Variants in CA5A observed in about 807,000 individuals in gnomAD.
The protein encoded by CA5A is carbonic anhydrase 5A, mitochondrial.
Under a neutral mutation model 37.1 loss-of-function variants are expected in CA5A, and 28 were observed. That is an observed-to-expected ratio of 0.75 (90% CI 0.56 to 1.03). CA5A has a LOEUF of 1.03. CA5A is among the 50% of genes least tolerant of loss of function. The pLI, the probability that CA5A is intolerant of heterozygous loss-of-function variation, is 0.00. For missense variants in CA5A, 444 were observed against 399.9 expected (o/e 1.11, Z -0.94); for synonymous variants, 171 against 158.4 (o/e 1.08, Z -0.60).
At chr16:87,916,922 G>A (rs963782263) in intron 2 of CA5A, among the ~76,000 whole-genome samples, 1 of 151,932 alleles carries the variant, frequency 6.6e-6, no homozygotes, top group Admixed American at 6.6e-5. Flanking sequence ...CTAACACAGT[G>A]AAACCCCGTC....
chr16:87,934,273 G>A (rs2056443095), intron 1 of CA5A, among the ~76,000 whole-genome samples: 5 of 152,248 alleles, frequency 3.3e-5, no homozygotes, highest in Admixed American at 1.3e-4. Flanking sequence ...AGTTAAGAAA[G>A]TCACAGAGGG....
At chr16:87,931,341 A>C (rs952255263) in intron 1 of CA5A, among the ~76,000 whole-genome samples, 6 of 146,586 alleles carry the variant, frequency 4.1e-5, no homozygotes, top group African/African-American at 1.5e-4. Flanking sequence ...CGAACTCCTG[A>C]CTTCGGGTGA....
chr16:87,899,658 G>A (rs777390249), intron 5 of CA5A, among the ~76,000 whole-genome samples: 36 of 149,800 alleles, frequency 2.4e-4, no homozygotes, highest in Admixed American at 6.6e-5. Flanking sequence ...GGTGGTTCAC[G>A]CCGGTAATCC....
intron 1 of CA5A, among the ~76,000 whole-genome samples, chr16:87,931,658 C>T (rs1012628904): frequency 4.6e-5 from 7 of 152,258 alleles, no homozygotes; most frequent in South Asian, 2.1e-4. Flanking sequence ...GCATGATAGA[C>T]GGGGAGGATG....
At chr16:87,914,450 A>G (rs1010346546) in intron 2 of CA5A, among the ~76,000 whole-genome samples, 12 of 152,224 alleles carry the variant, frequency 7.9e-5, no homozygotes, top group African/African-American at 2.9e-4. Flanking sequence ...GCGGACCCCC[A>G]GCCCCACGAG....
intron 2 of CA5A, among the ~76,000 whole-genome samples, chr16:87,916,974 A>T (rs1229737338): frequency 6.6e-6 from 1 of 152,016 alleles, no homozygotes; most frequent in East Asian, 1.9e-4. Flanking sequence ...GCGTGGTGGT[A>T]GGCGCCTGTA....
Position 87,925,328 on chromosome 16 carries a change from G to A in CA5A, c.340+1420C>T, listed in dbSNP as rs539338208. Among the ~76,000 whole-genome samples, 5 of 152,298 alleles carry A rather than the reference G, an allele frequency of 3.3e-5. No homozygotes were observed. In the South Asian group the frequency reaches 8.3e-4, roughly 25 times the overall value. On this transcript the variant is annotated intron_variant, in intron 2 of 6. Coordinates refer to ENST00000649794, the MANE Select transcript of CA5A (RefSeq NM_001739.2). Reference sequence around the variant, plus strand: ...CGAAGAGGTGTCTGGGCTGTCCGGAGGGCCCCAGGCAGGAGCTTCTGGAGT... The same window carrying A: ...CGAAGAGGTGTCTGGGCTGTCCGGAAGGCCCCAGGCAGGAGCTTCTGGAGT...
At position 87,901,910 on chromosome 16, in the gene CA5A, A is replaced by G. The variant is rs1567520091; in HGVS notation, c.618+2T>C. ...CCTGCTGATTTCAAATATGCAGCTT[A>G]CCTTATGTTTTATTTCCGGCAAGAT... On this transcript the variant is annotated splice_donor_variant, in intron 5 of 6. Transcript: ENST00000649794. LOFTEE classifies it high-confidence loss of function. 8.1e-6 allele frequency: 13 copies of G among 1,612,312 alleles called. No homozygotes were observed. The highest frequency in any genetic ancestry group is 1.1e-5 in the South Asian group (1 of 91,062).
chr16:87,915,084 A>G (rs2056116006), intron 2 of CA5A, among the ~76,000 whole-genome samples: 1 of 152,210 alleles, frequency 6.6e-6, no homozygotes, highest in Admixed American at 6.5e-5. Context: ...CAACTGCCCC[A>G]GGAGCCACCG....
chr16:87,934,384 C>T (rs2056444381), intron 1 of CA5A, among the ~76,000 whole-genome samples: 1 of 152,256 alleles, frequency 6.6e-6, no homozygotes, highest in Middle Eastern at 3.4e-3. Context: ...CCCTGAGCAA[C>T]ATGGAGAATC....
At chr16:87,909,588 A>G (rs1291227392) in intron 2 of CA5A, among the ~76,000 whole-genome samples, 1 of 152,146 alleles carries the variant, frequency 6.6e-6, no homozygotes, top group East Asian at 1.9e-4. Flanking sequence ...GGGCGCACGC[A>G]TTTCAGGAAG....
intron 5 of CA5A, chr16:87,893,844 C>T (rs2055762047): frequency 3.3e-6 from 1 of 298,892 alleles, no homozygotes; most frequent in Admixed American, 4.4e-5. Flanking sequence ...GCCATCATAG[C>T]TCACTGCAGG....
At chr16:87,924,655 C>T (rs1004739402) in intron 2 of CA5A, among the ~76,000 whole-genome samples, 4 of 152,224 alleles carry the variant, frequency 2.6e-5, no homozygotes, top group South Asian at 2.1e-4. Flanking sequence ...GAAGCTGGGA[C>T]GCAGCTGGGC....
At chr16:87,908,634 C>T (rs1351776611) in intron 2 of CA5A, among the ~76,000 whole-genome samples, 1 of 152,140 alleles carries the variant, frequency 6.6e-6, no homozygotes, top group Non-Finnish European at 1.5e-5. Flanking sequence ...GGGCCAGGAA[C>T]GGGAGCTGCT....
intron 6 of CA5A, among the ~76,000 whole-genome samples, chr16:87,890,871 T>C (rs2055703391): frequency 6.6e-6 from 1 of 152,110 alleles, no homozygotes; most frequent in Non-Finnish European, 1.5e-5. Flanking sequence ...CTCAGCTCAC[T>C]GCAGCCTCTG....
At chr16:87,895,218 C>G (rs1391202087) in intron 5 of CA5A, among the ~76,000 whole-genome samples, 1 of 152,032 alleles carries the variant, frequency 6.6e-6, no homozygotes, top group Non-Finnish European at 1.5e-5. Context: ...CCACTGCACT[C>G]TAGCCTCGGT....
rs1006831960 is a variant in CA5A at position 87,923,678 on chromosome 16, A to G, written c.340+3070T>C. On this transcript the variant is annotated intron_variant, in intron 2 of 6. Transcript: ENST00000649794. ...AGCCACCAGACCCTTTGCCTTGGGA[A>G]TTTATTTTGTAAAATAACAAACAAA... 8.1e-6 allele frequency: 8 copies of G among 985,318 alleles called. No homozygotes were observed. In the East Asian group the frequency reaches 7.9e-4, roughly 98 times the overall value. 61.0% of individuals were successfully genotyped at this position (985,318 alleles called of 1,614,324 possible). A position where few individuals can be genotyped will look rare whatever the true frequency, so the allele number is the denominator to read the frequency against.
intron 2 of CA5A, among the ~76,000 whole-genome samples, chr16:87,914,910 C>A (rs894581494): frequency 6.6e-6 from 1 of 152,232 alleles, no homozygotes. Flanking sequence ...TGAGATGAAA[C>A]CTCGGCCTCC....
rs950468083 is a variant in CA5A, at chr16:87,911,163, C to G, written c.341-6259G>C. 3.3e-5 allele frequency among the ~76,000 whole-genome samples: 5 copies of G among 152,100 alleles called. No homozygotes were observed. The highest frequency in any genetic ancestry group is 5.9e-5 in the Non-Finnish European group (4 of 68,030). The stretch of plus-strand genomic sequence containing the variant: ...AAAAGGGGTCTTTAAGCTGCCAGCC[C>G]CCATCCCCCGGACTCTGCTATCAGC... On this transcript the variant is annotated intron_variant, in intron 2 of 6. Coordinates refer to ENST00000649794, the MANE Select transcript of CA5A (RefSeq NM_001739.2). This position sits in a 1 kb window ranked among gnomAD's most constrained non-coding sequence, Gnocchi z 4.6.
Sources: gnomAD v4.1 joint callset for allele counts (sites outside exome capture counted in the v4.1 genomes callset) on GRCh38, gnomAD v4.1.1 for gene constraint, Gnocchi (gnomAD v3.1) non-coding constraint, MANE v1.5 for transcripts, NCBI Gene and HGNC (gene_info 2026-07-23, HGNC 2026-07-21) for gene names.